UTRN: variants seen among roughly 807,000 people sequenced by gnomAD.
UTRN encodes the protein dystrophin-related protein 1.
UTRN carries 283 observed loss-of-function variants against 463.9 expected under a neutral mutation model. That is an observed-to-expected ratio of 0.61 (90% CI 0.55 to 0.67). UTRN has a LOEUF of 0.67. Ranked by LOEUF, UTRN falls within the 30% of genes least tolerant of loss-of-function variation. The pLI is 0.00. For missense variants in UTRN, 3,922 were observed against 4,084.3 expected (o/e 0.96, Z 1.08); for synonymous variants, 1,442 against 1,431.5 (o/e 1.01, Z -0.17).
chr6:144,748,399 G>A lies in UTRN; in HGVS notation c.8093G>A (p.Gly2698Glu), dbSNP rs1035395152. ...KALEKLRDLQ[G>E]AMDDLDADMK... ...TTGGAGAAACTCAGAGACCTGCAGGGAGCTATGGATGACCTGGACGCTGAC... is the reference window on the plus strand; with the variant it reads ...TTGGAGAAACTCAGAGACCTGCAGGAAGCTATGGATGACCTGGACGCTGAC... Residue 2698 changes from glycine to glutamate, a missense_variant, in exon 55 of 75, where the codon GGA becomes GAA. By Grantham distance (98) the Gly-to-Glu change is moderately conservative (BLOSUM62 -2). Around this residue, in one of 3 missense-constraint regions of UTRN, gnomAD observed 1,309 missense variants for 1,452.6 expected, o/e 0.90. Transcript: ENST00000367545. The A allele has an allele frequency of 1.2e-6, 2 of 1,613,780 alleles. No individual in the cohort carries two copies. Among genetic ancestry groups the A allele is most frequent in the African/African-American group, 2.7e-5 (2 of 74,906 alleles).
intron 51 of UTRN, among the ~76,000 whole-genome samples, chr6:144,650,698 C>G (rs1015476400): frequency 6.6e-6 from 1 of 152,116 alleles, no homozygotes; most frequent in African/African-American, 2.4e-5. Context: ...ATCACAAGGT[C>G]AGGAGTTTGA....
intron 68 of UTRN, 74 bp downstream of exon 68, chr6:144,827,750 A>C: frequency 1.8e-5 from 27 of 1,477,206 alleles, no homozygotes; most frequent in Non-Finnish European, 2.4e-5. Flanking sequence ...ATCTAATATC[A>C]TTAATATACC....
chr6:144,673,379 C>G (rs1236195913), intron 51 of UTRN, among the ~76,000 whole-genome samples: 1 of 151,492 alleles, frequency 6.6e-6, no homozygotes, highest in Non-Finnish European at 1.5e-5. Context: ...ATGGACTAAT[C>G]CTTTTATCAT....
At chr6:144,484,432 CTTTTTTTTTTTTTTT>C (rs765122659) in intron 27 of UTRN, among the ~76,000 whole-genome samples, 19 of 66,238 alleles carry the variant, frequency 2.9e-4, no homozygotes, top group Non-Finnish European at 4.1e-4. Flanking sequence ...AAAAACCAAA[CTTTTTTTTTTTTTTT>C]TTTTTTTTTT....
chr6:144,719,047 T>C (rs887541228), intron 53 of UTRN, among the ~76,000 whole-genome samples: 3 of 152,220 alleles, frequency 2.0e-5, no homozygotes, highest in African/African-American at 7.2e-5. Flanking sequence ...CTATGGGGGC[T>C]GGAAGGGGAA....
chr6:144,427,878 C>A (rs1432425688), intron 7 of UTRN, among the ~76,000 whole-genome samples: 6 of 152,132 alleles, frequency 3.9e-5, no homozygotes, highest in African/African-American at 1.4e-4. Context: ...TATGTTCCAA[C>A]AGAGGGAGAC....
At chr6:144,345,338 G>A (rs1777474249) in intron 2 of UTRN, among the ~76,000 whole-genome samples, 1 of 152,078 alleles carries the variant, frequency 6.6e-6, no homozygotes, top group South Asian at 2.1e-4. Flanking sequence ...ATAACCATGT[G>A]ATCCCAACAC....
At position 144,513,929 on chromosome 6, in the gene UTRN, A is replaced by G. The variant is rs1795388820; in HGVS notation, c.4965A>G (p.Glu1655=). The change falls in exon 36 of 75, where the codon GAA becomes GAG. Residue 1655 remains glutamate (E), a synonymous_variant. Coordinates refer to ENST00000367545, the MANE Select transcript of UTRN (RefSeq NM_007124.3). ...NTLMNHQNQL[E]IFDGNVAHIS... is the part of the protein sequence containing the mutation. ...TGTAGAACCATCAGAACCAGCTAGA[A>G]ATATTTGATGGGAACGTGGCTCACA... 6.2e-7 allele frequency: 1 copy of G among 1,613,748 alleles called. No individual in the cohort carries two copies. The highest frequency in any genetic ancestry group is 8.5e-7 in the Non-Finnish European group (1 of 1,179,902).
At chr6:144,618,611 A>G (rs1775020097) in intron 51 of UTRN, among the ~76,000 whole-genome samples, 1 of 152,168 alleles carries the variant, frequency 6.6e-6, no homozygotes, top group Non-Finnish European at 1.5e-5. Flanking sequence ...CTTTAAAAAA[A>G]TGAGCCCCAT....
intron 51 of UTRN, among the ~76,000 whole-genome samples, chr6:144,619,211 A>C (rs905249322): frequency 5.3e-5 from 8 of 152,162 alleles, no homozygotes; most frequent in African/African-American, 1.7e-4. Context: ...CGATAAACAC[A>C]TTTTTAATAT....
intron 34 of UTRN, among the ~76,000 whole-genome samples, chr6:144,499,823 C>T (rs1387085891): frequency 2.0e-5 from 3 of 152,116 alleles, no homozygotes; most frequent in Non-Finnish European, 4.4e-5. Context: ...TATGGCCTTG[C>T]GTACCCAATG....
At chr6:144,485,773 T>A (rs550491982) in intron 28 of UTRN, among the ~76,000 whole-genome samples, 4 of 152,320 alleles carry the variant, frequency 2.6e-5, no homozygotes, top group Admixed American at 2.6e-4. Flanking sequence ...GTTGAAGCAC[T>A]CTAGTGGTTT....
intron 53 of UTRN, among the ~76,000 whole-genome samples, chr6:144,704,828 G>A (rs1370650623): frequency 6.6e-6 from 1 of 152,044 alleles, no homozygotes; most frequent in Non-Finnish European, 1.5e-5. Context: ...TGGGTGTGGT[G>A]ACGTGCGCCT....
intron 21 of UTRN, among the ~76,000 whole-genome samples, chr6:144,460,710 T>C (rs1480094714): frequency 6.6e-6 from 1 of 152,240 alleles, no homozygotes; most frequent in African/African-American, 2.4e-5. Flanking sequence ...AGGTAGACAC[T>C]GTTCCAGCTG....
intron 53 of UTRN, among the ~76,000 whole-genome samples, chr6:144,725,263 TC>T: frequency 6.6e-6 from 1 of 152,306 alleles, no homozygotes; most frequent in Middle Eastern, 3.4e-3. Flanking sequence ...TGCTCTTCCT[TC>T]GTCTTCTGCA....
At chr6:144,527,393 G>T (rs1796660425) in intron 41 of UTRN, among the ~76,000 whole-genome samples, 1 of 152,132 alleles carries the variant, frequency 6.6e-6, no homozygotes, top group South Asian at 2.1e-4. Context: ...CTTCTTTATA[G>T]GTTACCTGAT....
intron 9 of UTRN, among the ~76,000 whole-genome samples, chr6:144,434,707 A>G (rs1337653823): frequency 6.6e-6 from 1 of 152,186 alleles, no homozygotes; most frequent in Non-Finnish European, 1.5e-5. Context: ...GGGAGAAAAA[A>G]GAGCCTAGAA....
intron 54 of UTRN, among the ~76,000 whole-genome samples, chr6:144,736,315 T>C (rs1424661706): frequency 1.3e-5 from 2 of 152,162 alleles, no homozygotes; most frequent in Non-Finnish European, 2.9e-5. Context: ...TTTTTTCGGT[T>C]CTATTTAATA....
At chr6:144,846,884 G>C (rs1334645400) in intron 74 of UTRN, 57 bp downstream of exon 74, 4 of 1,599,076 alleles carry the variant, frequency 2.5e-6, no homozygotes, top group African/African-American at 1.3e-5. Flanking sequence ...AGAGTAAGCA[G>C]ATTATCCACG....
Sources: gnomAD v4.1 joint callset for allele counts (sites outside exome capture counted in the v4.1 genomes callset) on GRCh38, gnomAD v4.1.1 for gene constraint, gnomAD v4.1.1 regional missense constraint, MANE v1.5 for transcripts, NCBI Gene and HGNC (gene_info 2026-07-23, HGNC 2026-07-21) for gene names.